PCDH17: variants seen among roughly 807,000 people sequenced by gnomAD.
PCDH17 encodes protocadherin-17.
A neutral mutation model predicts 67.7 loss-of-function variants in PCDH17; 21 were observed. That is an observed-to-expected ratio of 0.31 (90% CI 0.22 to 0.45). PCDH17 has a LOEUF of 0.45. PCDH17 is among the 20% of genes least tolerant of loss of function. PCDH17 has a pLI of 1.00. For synonymous variants in PCDH17, 701 were observed against 656.7 expected, an observed-to-expected ratio of 1.07 and a Z score of -1.03; for missense variants, 1,471 against 1,564.8, an observed-to-expected ratio of 0.94 and a Z score of 1.01.
At chr13:57,678,455 TTAAAG>T (rs1955415953) in intron 3 of PCDH17, among the ~76,000 whole-genome samples, 1 of 151,626 alleles carries the variant, frequency 6.6e-6, no homozygotes, top group Non-Finnish European at 1.5e-5. Context: ...GAGGCTAGCT[TTAAAG>T]TAAAGATAAA....
At position 57,632,953 on chromosome 13, in the gene PCDH17, A is replaced by G. The variant is rs1192699330; in HGVS notation, c.407A>G (p.Gln136Arg). ...NDNAPSFSSDQIEMDISENAA... is the reference protein window; with the variant it reads ...NDNAPSFSSDRIEMDISENAA... ...AACGCGCCCTCCTTCTCCTCGGACC[A>G]GATCGAAATGGACATCTCGGAGAAC... The change falls in exon 1 of 4, where the codon CAG becomes CGG. Residue 136 changes from glutamine to arginine, a missense_variant. Around this residue, in one of 3 missense-constraint regions of PCDH17, gnomAD observed 1,163 missense variants for 1,230.0 expected, o/e 0.95. Coordinates refer to ENST00000377918, the MANE Select transcript of PCDH17 (RefSeq NM_001040429.3). The G allele has an allele frequency of 3.1e-6, 5 of 1,613,794 alleles. No individual in the cohort carries two copies. The African/African-American group carries it at 5.3e-5, about 17-fold the overall frequency.
chr13:57,668,467 T>C (rs924981151), intron 3 of PCDH17, among the ~76,000 whole-genome samples: 2 of 152,102 alleles, frequency 1.3e-5, no homozygotes, highest in African/African-American at 4.8e-5. Context: ...TCACATTAAC[T>C]GTTTAATTTC....
At chr13:57,681,067 TC>T (rs1475730312) in intron 3 of PCDH17, among the ~76,000 whole-genome samples, 1 of 151,732 alleles carries the variant, frequency 6.6e-6, no homozygotes, top group African/African-American at 2.4e-5. Flanking sequence ...ACATCTCTCC[TC>T]AAGTTGATGA....
At chr13:57,658,516 TC>T (rs1955138935) in intron 1 of PCDH17, among the ~76,000 whole-genome samples, 1 of 152,180 alleles carries the variant, frequency 6.6e-6, no homozygotes, top group African/African-American at 2.4e-5. Flanking sequence ...TTGATTTTTC[TC>T]CCAGGTCTAG....
At chr13:57,723,467 T>G (rs1955887907) in intron 3 of PCDH17, among the ~76,000 whole-genome samples, 1 of 152,176 alleles carries the variant, frequency 6.6e-6, no homozygotes, top group South Asian at 2.1e-4. Flanking sequence ...CATGTGGACA[T>G]CCTTTTCTTG....
chr13:57,649,600 A>G (rs1432300323), intron 1 of PCDH17, among the ~76,000 whole-genome samples: 1 of 152,200 alleles, frequency 6.6e-6, no homozygotes, highest in East Asian at 1.9e-4. Context: ...ATTATTTTAA[A>G]TGCACTCATC....
intron 3 of PCDH17, among the ~76,000 whole-genome samples, chr13:57,699,073 AAC>A (rs755538826): frequency 0.063 from 9,613 of 152,002 alleles, 336 homozygotes; most frequent in Middle Eastern, 0.099. Context: ...TTATTAGATT[AAC>A]ACTAGGATCT....
At chr13:57,722,642 G>A (rs1475812504) in intron 3 of PCDH17, among the ~76,000 whole-genome samples, 1 of 152,042 alleles carries the variant, frequency 6.6e-6, no homozygotes, top group Non-Finnish European at 1.5e-5. Flanking sequence ...TTGAGACAGG[G>A]TTTAACTCTG....
chr13:57,713,576 G>A (rs1354126895), intron 3 of PCDH17, among the ~76,000 whole-genome samples: 7 of 151,596 alleles, frequency 4.6e-5, no homozygotes, highest in Middle Eastern at 6.8e-3. Context: ...GATCAAGGCC[G>A]AATTGTTTAG....
At chr13:57,641,731 C>T (rs1432263576) in intron 1 of PCDH17, among the ~76,000 whole-genome samples, 1 of 148,994 alleles carries the variant, frequency 6.7e-6, no homozygotes, top group East Asian at 2.0e-4. Context: ...TGAAATGGTT[C>T]TTACAGTTCA....
At chr13:57,721,065 C>G (rs1955868429) in intron 3 of PCDH17, among the ~76,000 whole-genome samples, 1 of 152,048 alleles carries the variant, frequency 6.6e-6, no homozygotes, top group Non-Finnish European at 1.5e-5. Flanking sequence ...CTGTAGTTTA[C>G]AGTGTCTAAT....
intron 1 of PCDH17, among the ~76,000 whole-genome samples, chr13:57,664,101 A>G (rs867916091): frequency 2.0e-5 from 3 of 151,818 alleles, no homozygotes; most frequent in Admixed American, 2.0e-4. Context: ...TGGGGTCTCA[A>G]TACATTGACA....
intron 1 of PCDH17, among the ~76,000 whole-genome samples, chr13:57,644,931 A>G (rs1223582359): frequency 6.6e-6 from 1 of 151,692 alleles, no homozygotes; most frequent in East Asian, 1.9e-4. Flanking sequence ...AGGAGGTAAT[A>G]AGAAAAGTGT....
In PCDH17 at chr13:57,724,724, C is replaced by T. The variant is rs748185871; in HGVS notation, c.2910C>T (p.Arg970=). Residue 970 remains arginine (R), a synonymous_variant, in exon 4 of 4, where the codon CGC becomes CGT. Coordinates refer to ENST00000377918, the MANE Select transcript of PCDH17 (RefSeq NM_001040429.3). ...ATCAGGCTGAAAATGCAGATTACCGCACAAATCTCTTTGTACCTACAGTTG... is the reference window on the plus strand; with the variant it reads ...ATCAGGCTGAAAATGCAGATTACCGTACAAATCTCTTTGTACCTACAGTTG... ...AANQAENADY[R]TNLFVPTVEA... is the part of the protein sequence containing the mutation. 47 of 1,613,806 alleles carry T rather than the reference C, an allele frequency of 2.9e-5. No individual in the cohort carries two copies. In the South Asian group the frequency reaches 4.6e-4, roughly 16 times the overall value.
chr13:57,648,042 A>G (rs1354832620), intron 1 of PCDH17, among the ~76,000 whole-genome samples: 1 of 151,878 alleles, frequency 6.6e-6, no homozygotes, highest in Non-Finnish European at 1.5e-5. Context: ...GTGAACTTAA[A>G]CTTGACATTT....
chr13:57,638,075 A>G (rs1047527282), intron 1 of PCDH17, among the ~76,000 whole-genome samples: 6 of 152,112 alleles, frequency 3.9e-5, no homozygotes, highest in Admixed American at 2.6e-4. Context: ...AGTGTGAATC[A>G]TAATAAAACA....
At chr13:57,654,247 C>CTGTA (rs1417032126) in intron 1 of PCDH17, among the ~76,000 whole-genome samples, 2 of 152,068 alleles carry the variant, frequency 1.3e-5, no homozygotes, top group Non-Finnish European at 2.9e-5. Flanking sequence ...GTCACAAATA[C>CTGTA]TGTACTCTGC....
Position 57,728,231 on chromosome 13 carries a change from G to A in PCDH17, c.*2937G>A, listed in dbSNP as rs900414865. On this transcript the variant is annotated 3_prime_UTR_variant, in exon 4 of 4. Coordinates refer to ENST00000377918, the MANE Select transcript of PCDH17 (RefSeq NM_001040429.3). Reference sequence around the variant, plus strand: ...GCTTGGCTTTCAAGGAAGCCTATGAGATGCCAAAATCACACCTTTAGAGAG... The same window carrying A: ...GCTTGGCTTTCAAGGAAGCCTATGAAATGCCAAAATCACACCTTTAGAGAG... 6.6e-6 allele frequency: 1 copy of A among 152,542 alleles called. No homozygotes were observed. The highest frequency in any genetic ancestry group is 1.5e-5 in the Non-Finnish European group (1 of 68,002). The allele number at this position is 152,542 out of a possible 1,614,324, so 9.4% of individuals were successfully genotyped here.
chr13:57,723,430 A>G (rs973954245), intron 3 of PCDH17, among the ~76,000 whole-genome samples: 1 of 152,220 alleles, frequency 6.6e-6, no homozygotes, highest in East Asian at 1.9e-4. Flanking sequence ...ATGCTATTAC[A>G]TTTGCTGCTA....
Sources: gnomAD v4.1 joint callset for allele counts (sites outside exome capture counted in the v4.1 genomes callset) on GRCh38, gnomAD v4.1.1 for gene constraint, gnomAD v4.1.1 regional missense constraint, MANE v1.5 for transcripts, NCBI Gene and HGNC (gene_info 2026-07-23, HGNC 2026-07-21) for gene names.